Variants in KCNK2 observed in about 807,000 individuals in gnomAD.
KCNK2 encodes the protein potassium channel subfamily K member 2.
A neutral mutation model predicts 40.5 loss-of-function variants in KCNK2; 21 were observed. The observed-to-expected ratio is 0.52, with a 90% CI of 0.37 to 0.75. The LOEUF (loss-of-function observed/expected upper bound fraction) is 0.75. KCNK2 is among the 30% of genes least tolerant of loss of function. KCNK2 has a pLI of 0.00. For synonymous variants in KCNK2, 191 were observed against 202.2 expected (o/e 0.94, Z 0.47); for missense variants, 399 against 531.6 (o/e 0.75, Z 2.45).
At chr1:215,171,352 T>C (rs2102636706) in intron 4 of KCNK2, among the ~76,000 whole-genome samples, 1 of 152,218 alleles carries the variant, frequency 6.6e-6, no homozygotes, top group South Asian at 2.1e-4. Flanking sequence ...TATAGCTTTG[T>C]TAGTTATACA....
At chr1:215,201,172 T>G (rs1665066267) in intron 6 of KCNK2, among the ~76,000 whole-genome samples, 1 of 152,138 alleles carries the variant, frequency 6.6e-6, no homozygotes, top group Admixed American at 6.6e-5. Context: ...TGATTTGTGG[T>G]TGGGTCTGTT....
chr1:215,171,249 AT>A, intron 4 of KCNK2, among the ~76,000 whole-genome samples: 1 of 152,206 alleles, frequency 6.6e-6, no homozygotes, highest in Non-Finnish European at 1.5e-5. Context: ...CACTATAGAG[AT>A]TTTTTTACTG....
At chr1:215,083,742 C>G in intron 1 of KCNK2, 1 of 476,034 alleles carries the variant, frequency 2.1e-6, no homozygotes. Context: ...GCAGGCAGGA[C>G]TCATGGTGAC....
intron 6 of KCNK2, among the ~76,000 whole-genome samples, chr1:215,207,765 G>GA (rs1475618951): frequency 6.6e-6 from 1 of 151,870 alleles, no homozygotes; most frequent in Non-Finnish European, 1.5e-5. Context: ...CAAGCATATG[G>GA]AAAAAAAGTT....
intron 1 of KCNK2, among the ~76,000 whole-genome samples, chr1:215,023,544 A>T (rs1055590563): frequency 2.6e-5 from 4 of 152,218 alleles, no homozygotes; most frequent in South Asian, 2.1e-4. Flanking sequence ...CAACAATCAT[A>T]ATCAATAGTT....
At chr1:215,032,468 T>A (rs1198224210) in intron 1 of KCNK2, among the ~76,000 whole-genome samples, 1 of 152,116 alleles carries the variant, frequency 6.6e-6, no homozygotes, top group Non-Finnish European at 1.5e-5. Flanking sequence ...CTTCACTTAT[T>A]CTTTCACTTA....
chr1:215,012,432 ATCT>A (rs978592353), intron 1 of KCNK2, among the ~76,000 whole-genome samples: 37 of 151,910 alleles, frequency 2.4e-4, no homozygotes, highest in African/African-American at 8.4e-4. Flanking sequence ...CAATCTGATT[ATCT>A]TCTTTAGTAA....
In KCNK2 at chr1:215,086,456, T is replaced by C; in HGVS notation, c.135T>C (p.Ala45=). 1 of 1,614,148 alleles carries C rather than the reference T, an allele frequency of 6.2e-7. No homozygotes were observed. Among genetic ancestry groups the C allele is most frequent in the South Asian group, 1.1e-5 (1 of 91,076 alleles). Residue 45 remains alanine (A), a synonymous_variant, in exon 2 of 7, where the codon GCT becomes GCC. Coordinates refer to ENST00000444842, the MANE Select transcript of KCNK2 (RefSeq NM_001017425.3). ...TTTCCACGAAACCCACAGTGCTTGC[T>C]TCCCGGGTGGAGAGTGACACGACCA... ...LSFSTKPTVL[A]SRVESDTTIN...
At chr1:215,044,769 A>G (rs1657687772) in intron 1 of KCNK2, among the ~76,000 whole-genome samples, 3 of 151,426 alleles carry the variant, frequency 2.0e-5, no homozygotes, top group South Asian at 4.2e-4. Context: ...GTGGTTTTCT[A>G]TAACTAGGTA....
chr1:215,192,648 G>A (rs1006461435), intron 5 of KCNK2, among the ~76,000 whole-genome samples: 1 of 152,090 alleles, frequency 6.6e-6, no homozygotes, highest in African/African-American at 2.4e-5. Flanking sequence ...GAAATTCACT[G>A]GTGAGACTAT....
intron 6 of KCNK2, among the ~76,000 whole-genome samples, chr1:215,230,962 C>CATCTT (rs1666637048): frequency 6.6e-6 from 1 of 152,174 alleles, no homozygotes; most frequent in Non-Finnish European, 1.5e-5. Flanking sequence ...TCCAACAAGT[C>CATCTT]TGAGCTTTTC....
At chr1:215,073,088 C>G (rs1256732342) in intron 1 of KCNK2, among the ~76,000 whole-genome samples, 1 of 152,034 alleles carries the variant, frequency 6.6e-6, no homozygotes, top group Non-Finnish European at 1.5e-5. Flanking sequence ...GATGTGAAGA[C>G]ACACAGAGAG....
At chr1:215,219,300 G>T (rs150506785) in intron 6 of KCNK2, among the ~76,000 whole-genome samples, 1 of 152,244 alleles carries the variant, frequency 6.6e-6, no homozygotes, top group African/African-American at 2.4e-5. Flanking sequence ...TGTTGCATGT[G>T]GCCTCTCTGA....
chr1:215,111,666 C>G (rs12121761), intron 2 of KCNK2, among the ~76,000 whole-genome samples: 83,056 of 151,840 alleles, frequency 0.55, 25,467 homozygotes, highest in Non-Finnish European at 0.68. Context: ...TTTTTCTGAG[C>G]TTGTTGAACG....
chr1:215,100,396 G>A (rs1041695765), intron 2 of KCNK2, among the ~76,000 whole-genome samples: 1 of 151,920 alleles, frequency 6.6e-6, no homozygotes, highest in Non-Finnish European at 1.5e-5. Context: ...CCTCAGAATA[G>A]CCATAGAGAG....
chr1:215,221,477 ATAAT>A (rs1329438585), intron 6 of KCNK2, among the ~76,000 whole-genome samples: 2 of 152,254 alleles, frequency 1.3e-5, no homozygotes, highest in African/African-American at 4.8e-5. Context: ...CATATTTTGT[ATAAT>A]TATTATGTAC....
chr1:215,096,185 G>T (rs775938861), intron 2 of KCNK2, among the ~76,000 whole-genome samples: 5 of 151,534 alleles, frequency 3.3e-5, no homozygotes, highest in Non-Finnish European at 5.9e-5. Flanking sequence ...AGCATATATG[G>T]ATATACCAAG....
At position 215,235,807 on chromosome 1, in the gene KCNK2, G is replaced by C. The variant is rs1666858507; in HGVS notation, c.*662G>C. 6.6e-6 allele frequency: 1 copy of C among 152,618 alleles called. No homozygotes were observed. The highest frequency in any genetic ancestry group is 6.6e-5 in the Admixed American group (1 of 15,256). 9.5% of individuals were successfully genotyped at this position (152,618 alleles called of 1,614,324 possible). A position where few individuals can be genotyped will look rare whatever the true frequency, so the allele number is the denominator to read the frequency against. On this transcript the variant is annotated 3_prime_UTR_variant, in exon 7 of 7. Coordinates refer to ENST00000444842, the MANE Select transcript of KCNK2 (RefSeq NM_001017425.3). ...CGAAGATGAAATAGATGCCAAATTAGATGGACATTGAAGCAACACTCAGCG... is the reference window on the plus strand; with the variant it reads ...CGAAGATGAAATAGATGCCAAATTACATGGACATTGAAGCAACACTCAGCG...
At chr1:215,119,894 T>C (rs1661105076) in intron 2 of KCNK2, among the ~76,000 whole-genome samples, 1 of 152,210 alleles carries the variant, frequency 6.6e-6, no homozygotes, top group African/African-American at 2.4e-5. Flanking sequence ...TGACCTGAAC[T>C]GATGTTGAAA....
Sources: allele counts gnomAD v4.1 joint callset (sites outside exome capture counted in the v4.1 genomes callset), GRCh38; gene constraint gnomAD v4.1.1; transcripts MANE v1.5; gene names NCBI Gene and HGNC (gene_info 2026-07-23, HGNC 2026-07-21).